PITPNM3: variants seen among roughly 807,000 people sequenced by gnomAD.
The protein encoded by PITPNM3 is membrane-associated phosphatidylinositol transfer protein 3.
A neutral mutation model predicts 102.0 loss-of-function variants in PITPNM3; 26 were observed. The observed-to-expected ratio is 0.25, with a 90% CI of 0.19 to 0.35. PITPNM3 has a LOEUF of 0.35. PITPNM3 is among the 10% of genes least tolerant of loss of function. The pLI is 1.00. For missense variants in PITPNM3, 1,083 were observed against 1,346.1 expected (o/e 0.80, Z 3.06); for synonymous variants, 578 against 558.6 (o/e 1.03, Z -0.49).
chr17:6,519,563 C>T (rs1908392563), intron 3 of PITPNM3, among the ~76,000 whole-genome samples: 2 of 151,202 alleles, frequency 1.3e-5, no homozygotes, highest in Admixed American at 6.6e-5. Context: ...GATGCAGTGG[C>T]TCACACCTGT....
At chr17:6,486,708 A>G (rs1906118152) in intron 4 of PITPNM3, among the ~76,000 whole-genome samples, 1 of 152,122 alleles carries the variant, frequency 6.6e-6, no homozygotes, top group Admixed American at 6.5e-5. Flanking sequence ...CTTACTAAAG[A>G]CCTTGCCTTG....
intron 14 of PITPNM3, among the ~76,000 whole-genome samples, chr17:6,466,644 G>A (rs1271570810): frequency 6.6e-6 from 1 of 152,166 alleles, no homozygotes; most frequent in African/African-American, 2.4e-5. Flanking sequence ...CATTGCAGTG[G>A]GAATGTGAAA....
chr17:6,461,312 C>T (rs558367943), intron 18 of PITPNM3, 61 bp downstream of exon 18: 17 of 1,553,286 alleles, frequency 1.1e-5, no homozygotes, highest in Middle Eastern at 1.7e-4. Flanking sequence ...AGATGGGGAG[C>T]GGTGGAGAGG....
chr17:6,483,267 C>T (rs1329969364), intron 6 of PITPNM3, among the ~76,000 whole-genome samples: 3 of 152,022 alleles, frequency 2.0e-5, no homozygotes, highest in Non-Finnish European at 4.4e-5. Flanking sequence ...TTTATCTGGG[C>T]CAAACAGATC....
Position 6,537,690 on chromosome 17 carries a change from C to G in PITPNM3, c.118+297G>C, listed in dbSNP as rs1335455612. On this transcript the variant is annotated intron_variant, in intron 2 of 19. Coordinates refer to ENST00000262483, the MANE Select transcript of PITPNM3 (RefSeq NM_031220.4). This position sits in a 1 kb window ranked among gnomAD's most constrained non-coding sequence, Gnocchi z 4.4. ...ATTGTATTTTCTTGGATGTCTGCCT[C>G]TCCTGCAAGGCTATAAGTATGATGA... 6.6e-6 allele frequency among the ~76,000 whole-genome samples: 1 copy of G among 152,234 alleles called. No homozygotes were observed. Among genetic ancestry groups the G allele is most frequent in the African/African-American group, 2.4e-5 (1 of 41,456 alleles).
intron 4 of PITPNM3, among the ~76,000 whole-genome samples, chr17:6,498,009 C>T (rs572032260): frequency 3.3e-5 from 5 of 152,184 alleles, no homozygotes; most frequent in South Asian, 2.1e-4. Context: ...CTCCTCCCAC[C>T]GGACGTTCCT....
chr17:6,515,777 A>T (rs540567234), intron 3 of PITPNM3, among the ~76,000 whole-genome samples: 10 of 152,210 alleles, frequency 6.6e-5, no homozygotes, highest in Non-Finnish European at 1.5e-4. Context: ...GACTTTAAAA[A>T]ATGTAGCATG....
intron 4 of PITPNM3, among the ~76,000 whole-genome samples, chr17:6,494,907 T>G (rs1308798184): frequency 6.6e-6 from 1 of 151,932 alleles, no homozygotes; most frequent in Non-Finnish European, 1.5e-5. Context: ...TTAAATAAAT[T>G]GGACCACAGT....
intron 2 of PITPNM3, among the ~76,000 whole-genome samples, chr17:6,532,703 C>T (rs934315215): frequency 6.6e-6 from 1 of 152,146 alleles, no homozygotes; most frequent in Non-Finnish European, 1.5e-5. Context: ...AATTTGTTCA[C>T]TCACTGATGC....
chr17:6,525,305 C>G, intron 3 of PITPNM3, 51 bp downstream of exon 3: 1 of 1,543,326 alleles, frequency 6.5e-7, no homozygotes, highest in Non-Finnish European at 9.0e-7. Flanking sequence ...ACAGCCCCCC[C>G]TGCAACACAC....
chr17:6,553,137 ACTGT>A (rs1451830401), intron 1 of PITPNM3, among the ~76,000 whole-genome samples: 1 of 151,782 alleles, frequency 6.6e-6, no homozygotes, highest in Non-Finnish European at 1.5e-5. Context: ...CCCAGCCTTC[ACTGT>A]CTGTCTCAAG....
Position 6,537,956 on chromosome 17 carries a change from A to C in PITPNM3, c.118+31T>G, listed in dbSNP as rs1172616469. The C allele has an allele frequency of 6.4e-7, 1 of 1,573,370 alleles. No individual in the cohort carries two copies. The highest frequency in any genetic ancestry group is 8.7e-7 in the Non-Finnish European group (1 of 1,143,704). Reference sequence around the variant, plus strand: ...CTTGAGGCTTCTAGGAAGGTCACCCAGCCAGTGATATGAGACTGGGGTTCA... The same window carrying C: ...CTTGAGGCTTCTAGGAAGGTCACCCCGCCAGTGATATGAGACTGGGGTTCA... On this transcript the variant is annotated intron_variant, in intron 2 of 19. Coordinates refer to ENST00000262483, the MANE Select transcript of PITPNM3 (RefSeq NM_031220.4). The surrounding 1 kb of genome is among the most constrained non-coding windows in gnomAD (Gnocchi z 4.4).
At chr17:6,549,056 C>G (rs368162959) in intron 1 of PITPNM3, among the ~76,000 whole-genome samples, 34 of 152,156 alleles carry the variant, frequency 2.2e-4, no homozygotes, top group African/African-American at 7.7e-4. Flanking sequence ...CTCCCAACAC[C>G]CCCAGGAACC....
chr17:6,464,585 C>T (rs189468362), intron 15 of PITPNM3, 70 bp downstream of exon 15: 169 of 1,459,702 alleles, frequency 1.2e-4, no homozygotes, highest in African/African-American at 9.7e-4. Context: ...TCACCCCACA[C>T]GCTATGTGGC....
At chr17:6,498,597 G>C (rs1237100948) in intron 4 of PITPNM3, among the ~76,000 whole-genome samples, 1 of 152,190 alleles carries the variant, frequency 6.6e-6, no homozygotes, top group African/African-American at 2.4e-5. Flanking sequence ...AGGATGCAAT[G>C]GTCCAGGAGA....
rs767619664 is a variant in PITPNM3, at chr17:6,470,344, C to T, written c.1689G>A (p.Thr563=). The T allele has an allele frequency of 1.6e-5, 26 of 1,614,008 alleles. No individual in the cohort carries two copies. The highest frequency in any genetic ancestry group is 1.6e-4 in the Middle Eastern group (1 of 6,084). The change falls in exon 13 of 20, where the codon ACG becomes ACA. Residue 563 remains threonine (T), a synonymous_variant. Transcript: ENST00000262483. The surrounding 1 kb of genome is among the most constrained non-coding windows in gnomAD (Gnocchi z 4.8). ...DYALYCPDVL[T]AFPTVALPHL... is the part of the protein sequence containing the mutation. ...GGGGCAGGGCCACGGTGGGGAAGGC[C>T]GTGAGGACATCAGGGCAGTACAGGG...
At chr17:6,495,382 T>G (rs1332779993) in intron 4 of PITPNM3, among the ~76,000 whole-genome samples, 4 of 152,136 alleles carry the variant, frequency 2.6e-5, no homozygotes, top group Non-Finnish European at 5.9e-5. Flanking sequence ...CCAAAAGCTC[T>G]TTTGTTCCCA....
chr17:6,552,526 T>A (rs1910367731), intron 1 of PITPNM3, among the ~76,000 whole-genome samples: 1 of 152,174 alleles, frequency 6.6e-6, no homozygotes, highest in African/African-American at 2.4e-5. Context: ...CGAAACACAG[T>A]GCCAAGTCTT....
chr17:6,498,635 G>A (rs1296230733), intron 4 of PITPNM3, among the ~76,000 whole-genome samples: 1 of 152,192 alleles, frequency 6.6e-6, no homozygotes. Context: ...ACTAGAGAAG[G>A]GATGGGGACA....
Sources: allele counts gnomAD v4.1 joint callset (sites outside exome capture counted in the v4.1 genomes callset), GRCh38; gene constraint gnomAD v4.1.1; non-coding constraint Gnocchi (gnomAD v3.1); transcripts MANE v1.5; gene names NCBI Gene and HGNC (gene_info 2026-07-23, HGNC 2026-07-21).